The following YIPF7 variants were observed in gnomAD, a reference collection of about 807,000 sequenced individuals.
YIPF7 encodes protein YIPF7.
YIPF7 carries 35 observed loss-of-function variants against 27.2 expected under a neutral mutation model. The observed-to-expected ratio is 1.29, with a 90% CI of 0.98 to 1.70. YIPF7 has a LOEUF of 1.70. YIPF7 is among the 40% of genes most tolerant of loss of function. YIPF7 has a pLI of 0.00. For missense variants in YIPF7, 358 were observed against 303.7 expected, an observed-to-expected ratio of 1.18 and a Z score of -1.33; for synonymous variants, 137 against 110.4, an observed-to-expected ratio of 1.24 and a Z score of -1.51.
upstream of YIPF7, among the ~76,000 whole-genome samples, chr4:44,652,328 T>A (rs1313589778): frequency 6.6e-6 from 1 of 152,158 alleles, no homozygotes; most frequent in Non-Finnish European, 1.5e-5. Flanking sequence ...GCTAATACTA[T>A]CAATTCTATC....
At chr4:44,660,134 A>AAAAAAAAAAAAAAAAAAAAAAAAAG in intron 2 of YIPF7, among the ~76,000 whole-genome samples, 1 of 148,238 alleles carries the variant, frequency 6.7e-6, no homozygotes, top group Non-Finnish European at 1.5e-5. Flanking sequence ...AAAAAAAAAA[A>AAAAAAAAAAAAAAAAAAAAAAAAAG]AACGAACCTT....
intron 2 of YIPF7, among the ~76,000 whole-genome samples, chr4:44,644,759 G>T (rs1434769829): frequency 6.6e-6 from 1 of 152,074 alleles, no homozygotes; most frequent in Non-Finnish European, 1.5e-5. Context: ...GGGGTACAAG[G>T]ATATGGTCTG....
chr4:44,627,189 G>A (rs984191399), intron 4 of YIPF7, among the ~76,000 whole-genome samples: 2 of 151,968 alleles, frequency 1.3e-5, no homozygotes, highest in Admixed American at 6.6e-5. Flanking sequence ...AAAGTTACAT[G>A]GAGCAAAAGT....
chr4:44,659,836 A>T (rs2109607868), intron 2 of YIPF7, among the ~76,000 whole-genome samples: 1 of 152,194 alleles, frequency 6.6e-6, no homozygotes, highest in South Asian at 2.1e-4. Context: ...AATCTTGGCC[A>T]GGCGCGGTGG....
intron 2 of YIPF7, among the ~76,000 whole-genome samples, chr4:44,645,712 A>AT (rs1713504473): frequency 6.6e-6 from 1 of 152,192 alleles, no homozygotes; most frequent in Non-Finnish European, 1.5e-5. Flanking sequence ...ACTCTGGCTC[A>AT]TTGAATTTAA....
intron 4 of YIPF7, 162 bp downstream of exon 4, chr4:44,629,241 T>TA: frequency 4.8e-6 from 4 of 839,450 alleles, no homozygotes; most frequent in Non-Finnish European, 6.5e-6. Context: ...TTGCAATGCA[T>TA]AATGGTAGCA....
intron 5 of YIPF7, among the ~76,000 whole-genome samples, chr4:44,623,323 A>T (rs757117253): frequency 1.3e-5 from 2 of 152,208 alleles, no homozygotes; most frequent in African/African-American, 2.4e-5. Context: ...TAGAAAAATA[A>T]GACATAAGAG....
chr4:44,655,993 T>G (rs1713892566), upstream of YIPF7, among the ~76,000 whole-genome samples: 1 of 152,104 alleles, frequency 6.6e-6, no homozygotes, highest in Non-Finnish European at 1.5e-5. Flanking sequence ...CTTTGACTTT[T>G]AATTTGGCTA....
Position 44,629,457 on chromosome 4 carries a change from C to T in YIPF7, c.372G>A (p.Thr124=), listed in dbSNP as rs982339343. The change falls in exon 4 of 6, where the codon ACG becomes ACA. Residue 124 remains threonine, a synonymous_variant. Coordinates refer to ENST00000415895, the MANE Select transcript of YIPF7 (RefSeq NM_182592.3). ...AAAAAAGAATGGGTCCAGTGAGGTC[C>T]GTTTCATTCATAATGCTGCCATCTA... The part of the protein sequence containing the change: ...KPVDGSIMNE[T]DLTGPILFCV... The T allele has an allele frequency of 3.1e-6, 5 of 1,600,316 alleles. No individual in the cohort carries two copies. The highest frequency in any genetic ancestry group is 2.3e-5 in the South Asian group (2 of 88,374).
At chr4:44,643,469 C>G (rs1713410340) in intron 2 of YIPF7, among the ~76,000 whole-genome samples, 1 of 151,778 alleles carries the variant, frequency 6.6e-6, no homozygotes, top group Non-Finnish European at 1.5e-5. Context: ...GCAGAATGGC[C>G]AAATGATAGA....
At chr4:44,660,129 A>AAAC (rs1714007907) in intron 2 of YIPF7, among the ~76,000 whole-genome samples, 1 of 147,074 alleles carries the variant, frequency 6.8e-6, no homozygotes, top group African/African-American at 2.5e-5. Context: ...AAAAAAAAAA[A>AAAC]AAAAAAACGA....
chr4:44,652,015 G>A (rs941090409), upstream of YIPF7, among the ~76,000 whole-genome samples: 2 of 152,076 alleles, frequency 1.3e-5, no homozygotes, highest in Non-Finnish European at 1.5e-5. Flanking sequence ...AATGAGTTGT[G>A]GTCAATTTTA....
intron 2 of YIPF7, among the ~76,000 whole-genome samples, chr4:44,649,098 G>A (rs1054409886): frequency 1.3e-5 from 2 of 152,000 alleles, no homozygotes; most frequent in Non-Finnish European, 2.9e-5. Flanking sequence ...GAATTTCATC[G>A]TTATATTTGG....
chr4:44,623,437 T>C (rs985895846), intron 5 of YIPF7, among the ~76,000 whole-genome samples: 2 of 152,200 alleles, frequency 1.3e-5, no homozygotes, highest in African/African-American at 4.8e-5. Context: ...TCTCCTAGCA[T>C]AGTACTCTTT....
intron 2 of YIPF7, among the ~76,000 whole-genome samples, chr4:44,644,317 C>T (rs569609459): frequency 4.6e-5 from 7 of 152,284 alleles, no homozygotes; most frequent in African/African-American, 1.7e-4. Context: ...ATAAAATATG[C>T]TAACACTAAT....
chr4:44,661,129 T>C (rs1263717369), intron 1 of YIPF7, among the ~76,000 whole-genome samples: 1 of 152,154 alleles, frequency 6.6e-6, no homozygotes, highest in African/African-American at 2.4e-5. Flanking sequence ...CCAACCTTAG[T>C]CTCTCTTAGC....
upstream of YIPF7, among the ~76,000 whole-genome samples, chr4:44,655,384 A>C (rs1360143142): frequency 6.6e-6 from 1 of 151,982 alleles, no homozygotes; most frequent in Non-Finnish European, 1.5e-5. Context: ...TGAAGCATCA[A>C]TTCTCTCACT....
At chr4:44,638,276 T>C (rs1470528627) in intron 2 of YIPF7, among the ~76,000 whole-genome samples, 6 of 150,668 alleles carry the variant, frequency 4.0e-5, no homozygotes, top group African/African-American at 7.3e-5. Context: ...TGAATCATTA[T>C]TGGCTGGGGG....
chr4:44,628,889 A>T (rs1712768283), intron 4 of YIPF7, among the ~76,000 whole-genome samples: 1 of 152,226 alleles, frequency 6.6e-6, no homozygotes, highest in Non-Finnish European at 1.5e-5. Context: ...TAGGTTGAGT[A>T]AACAAAACAT....
Sources: allele counts gnomAD v4.1 joint callset (sites outside exome capture counted in the v4.1 genomes callset), GRCh38; gene constraint gnomAD v4.1.1; transcripts MANE v1.5; gene names NCBI Gene and HGNC (gene_info 2026-07-23, HGNC 2026-07-21).